Variants in ELAVL2 observed in about 807,000 individuals in gnomAD.
The protein encoded by ELAVL2 is ELAV-like protein 2.
Under a neutral mutation model 34.6 loss-of-function variants are expected in ELAVL2, and 4 were observed. That is an observed-to-expected ratio of 0.12 (90% CI 0.06 to 0.26). ELAVL2 has a LOEUF of 0.26. Ranked by LOEUF, ELAVL2 falls within the 10% of genes least tolerant of loss-of-function variation. The pLI is 1.00. For missense variants in ELAVL2, 432 were observed against 442.8 expected, an observed-to-expected ratio of 0.98 and a Z score of 0.22; for synonymous variants, 193 against 154.8, an observed-to-expected ratio of 1.25 and a Z score of -1.83.
At chr9:23,795,775 A>G (rs2060844616) in intron 1 of ELAVL2, among the ~76,000 whole-genome samples, 1 of 152,194 alleles carries the variant, frequency 6.6e-6, no homozygotes, top group Non-Finnish European at 1.5e-5. Flanking sequence ...AAGCTGAGAC[A>G]AAAACAAGAC....
At chr9:23,770,013 A>G (rs1373770273) in intron 1 of ELAVL2, among the ~76,000 whole-genome samples, 1 of 152,210 alleles carries the variant, frequency 6.6e-6, no homozygotes, top group Non-Finnish European at 1.5e-5. Flanking sequence ...GGCGAAAAAG[A>G]TCTGCTTAAG....
chr9:23,746,215 T>C (rs1403182504), intron 2 of ELAVL2, among the ~76,000 whole-genome samples: 1 of 152,142 alleles, frequency 6.6e-6, no homozygotes, highest in African/African-American at 2.4e-5. Context: ...CCTTTACCAA[T>C]AGCTATGGCA....
intron 2 of ELAVL2, among the ~76,000 whole-genome samples, chr9:23,737,469 AGT>A (rs2048167522): frequency 6.6e-6 from 1 of 152,248 alleles, no homozygotes; most frequent in South Asian, 2.1e-4. Context: ...AATTTTAAAA[AGT>A]GTCATCTAGA....
intron 2 of ELAVL2, among the ~76,000 whole-genome samples, chr9:23,749,609 G>GGT: frequency 6.6e-6 from 1 of 152,054 alleles, no homozygotes; most frequent in South Asian, 2.1e-4. Flanking sequence ...AAATGGTCCT[G>GGT]GGTTTCAGTC....
chr9:23,752,900 A>G (rs1780703527), intron 2 of ELAVL2, among the ~76,000 whole-genome samples: 1 of 152,186 alleles, frequency 6.6e-6, no homozygotes, highest in Admixed American at 6.5e-5. Flanking sequence ...GGTGTCAGAA[A>G]TTACTGAGTG....
the ELAVL2 span, among the ~76,000 whole-genome samples, chr9:23,845,456 A>T: frequency 6.6e-6 from 1 of 151,832 alleles, no homozygotes; most frequent in East Asian, 1.9e-4. Flanking sequence ...CCAGTAACTA[A>T]AATTAGTTTT....
In ELAVL2 at chr9:23,761,988, C is replaced by G. The variant is rs745987260; in HGVS notation, c.229+18G>C. 5 of 1,593,812 alleles carry G rather than the reference C, an allele frequency of 3.1e-6. No homozygotes were observed. The East Asian group carries it at 9.0e-5, about 29-fold the overall frequency. ...ACACGATCCGTTAAATATAAATCAT[C>G]TACATAAAACTGCTTACCTGTTATT... On this transcript the variant is annotated intron_variant, in intron 2 of 6. Coordinates refer to ENST00000397312, the MANE Select transcript of ELAVL2 (RefSeq NM_004432.5).
intron 3 of ELAVL2, among the ~76,000 whole-genome samples, chr9:23,719,663 T>C (rs535334145): frequency 6.6e-6 from 1 of 152,166 alleles, no homozygotes; most frequent in African/African-American, 2.4e-5. Flanking sequence ...TAAAAAATTA[T>C]AGCATAAAAT....
At chr9:23,738,674 G>T (rs908824563) in intron 2 of ELAVL2, among the ~76,000 whole-genome samples, 1 of 152,138 alleles carries the variant, frequency 6.6e-6, no homozygotes, top group Non-Finnish European at 1.5e-5. Context: ...GTTTCTAAAT[G>T]ATTTTCAGGA....
At chr9:23,749,928 A>G (rs1339311073) in intron 2 of ELAVL2, among the ~76,000 whole-genome samples, 1 of 151,888 alleles carries the variant, frequency 6.6e-6, no homozygotes, top group Non-Finnish European at 1.5e-5. Flanking sequence ...AAATTACCTA[A>G]GAGCTGTTAT....
chr9:23,814,027 T>C (rs147384024), intron 1 of ELAVL2, among the ~76,000 whole-genome samples: 3 of 152,284 alleles, frequency 2.0e-5, no homozygotes, highest in African/African-American at 4.8e-5. Context: ...TGTTGCTCCA[T>C]CCTTCCAAGT....
chr9:23,775,031 G>T (rs1247260562), intron 1 of ELAVL2, among the ~76,000 whole-genome samples: 1 of 152,048 alleles, frequency 6.6e-6, no homozygotes, highest in Non-Finnish European at 1.5e-5. Context: ...TTAAACTGTG[G>T]CTTTAAAATC....
chr9:23,845,485 G>A, the ELAVL2 span, among the ~76,000 whole-genome samples: 1 of 151,668 alleles, frequency 6.6e-6, no homozygotes, highest in African/African-American at 2.4e-5. Flanking sequence ...TAAAAATTCA[G>A]GGGTTTTTCC....
intron 1 of ELAVL2, among the ~76,000 whole-genome samples, chr9:23,785,624 T>A (rs1027596383): frequency 1.3e-5 from 2 of 152,210 alleles, no homozygotes; most frequent in East Asian, 3.9e-4. Context: ...CTGTCTCACG[T>A]CTGTTAACCC....
chr9:23,797,803 C>A (rs1167805455), intron 1 of ELAVL2, among the ~76,000 whole-genome samples: 1 of 152,208 alleles, frequency 6.6e-6, no homozygotes, highest in African/African-American at 2.4e-5. Flanking sequence ...TGGCGCATGC[C>A]TGTAATCCGA....
intron 3 of ELAVL2, among the ~76,000 whole-genome samples, chr9:23,723,353 T>C (rs1385478215): frequency 1.3e-5 from 2 of 151,436 alleles, no homozygotes; most frequent in Non-Finnish European, 2.9e-5. Flanking sequence ...TTCTCACTCA[T>C]AGGTGGGAAC....
chr9:23,765,589 C>T (rs923018808), intron 1 of ELAVL2, among the ~76,000 whole-genome samples: 7 of 152,110 alleles, frequency 4.6e-5, no homozygotes, highest in African/African-American at 1.4e-4. Context: ...CACACTGTTA[C>T]ATTATACTAT....
At chr9:23,817,502 A>G (rs1422614881) in intron 1 of ELAVL2, among the ~76,000 whole-genome samples, 1 of 152,214 alleles carries the variant, frequency 6.6e-6, no homozygotes, top group Admixed American at 6.5e-5. Flanking sequence ...AGCTCTGAGA[A>G]AAGAATGCTC....
intron 1 of ELAVL2, among the ~76,000 whole-genome samples, chr9:23,794,147 T>C (rs2060637657): frequency 6.6e-6 from 1 of 152,214 alleles, no homozygotes; most frequent in East Asian, 1.9e-4. Context: ...CTGACTAGCA[T>C]ACCAACAGCA....
Sources: gnomAD v4.1 joint callset for allele counts (sites outside exome capture counted in the v4.1 genomes callset) on GRCh38, gnomAD v4.1.1 for gene constraint, MANE v1.5 for transcripts, NCBI Gene and HGNC (gene_info 2026-07-23, HGNC 2026-07-21) for gene names.